FHIT: variants seen among roughly 807,000 people sequenced by gnomAD.
FHIT encodes the protein fragile histidine triad diadenosine triphosphatase.
FHIT carries 19 observed loss-of-function variants against 17.9 expected under a neutral mutation model. That is an observed-to-expected ratio of 1.06 (90% confidence interval 0.74 to 1.56). FHIT has a LOEUF of 1.56. Among genes scored for constraint, FHIT ranks in the 40% most tolerant of loss-of-function variants. FHIT has a pLI of 0.00. For synonymous variants in FHIT, 81 were observed against 69.7 expected (o/e 1.16, Z -0.81); for missense variants, 248 against 189.2 (o/e 1.31, Z -1.82).
chr3:60,130,499 T>C (rs1699493822), intron 5 of FHIT, among the ~76,000 whole-genome samples: 1 of 152,078 alleles, frequency 6.6e-6, no homozygotes, highest in Non-Finnish European at 1.5e-5. Flanking sequence ...GATGTAAGAC[T>C]GGAACTCAGA....
intron 3 of FHIT, among the ~76,000 whole-genome samples, chr3:61,035,360 TG>T (rs1446373387): frequency 6.6e-6 from 1 of 152,238 alleles, no homozygotes; most frequent in Admixed American, 6.5e-5. Flanking sequence ...ATCTTTTAAA[TG>T]TAAAATACAT....
chr3:61,141,773 C>T (rs1391905849), intron 2 of FHIT, among the ~76,000 whole-genome samples: 1 of 151,582 alleles, frequency 6.6e-6, no homozygotes, highest in East Asian at 1.9e-4. Context: ...GAGGCTCCAG[C>T]TTTCTCAGGA....
chr3:61,040,248 TATA>T (rs2033442492), intron 3 of FHIT, among the ~76,000 whole-genome samples: 1 of 152,236 alleles, frequency 6.6e-6, no homozygotes, highest in Non-Finnish European at 1.5e-5. Context: ...CAGCATCTAC[TATA>T]GCCTGTTACC....
chr3:59,803,268 T>C (rs539322242), intron 8 of FHIT, among the ~76,000 whole-genome samples: 73 of 152,210 alleles, frequency 4.8e-4, no homozygotes, highest in African/African-American at 1.4e-3. Flanking sequence ...AGGGACGAGG[T>C]AAATTTTTTT....
chr3:60,401,440 G>A (rs1701653375), intron 5 of FHIT, among the ~76,000 whole-genome samples: 1 of 152,146 alleles, frequency 6.6e-6, no homozygotes, highest in South Asian at 2.1e-4. Context: ...ACAGAATGGA[G>A]GCCAGGAGAG....
At chr3:60,314,812 C>T (rs551153375) in intron 5 of FHIT, among the ~76,000 whole-genome samples, 230 of 152,188 alleles carry the variant, frequency 1.5e-3, no homozygotes, top group Non-Finnish European at 2.5e-3. Flanking sequence ...AGGCTGGGTG[C>T]GGTGGCTCAT....
intron 5 of FHIT, among the ~76,000 whole-genome samples, chr3:60,531,455 T>G (rs1015375661): frequency 3.7e-4 from 56 of 151,902 alleles, no homozygotes; most frequent in Admixed American, 6.6e-4. Flanking sequence ...ATTTTTTGTA[T>G]TTTTAGTAGA....
chr3:60,281,626 A>G (rs1226844254), intron 5 of FHIT, among the ~76,000 whole-genome samples: 2 of 139,432 alleles, frequency 1.4e-5, no homozygotes, highest in South Asian at 2.3e-4. Context: ...GCCAAAAAAA[A>G]AAAAAGGGGG....
At chr3:60,803,735 C>G (rs1701283642) in intron 4 of FHIT, among the ~76,000 whole-genome samples, 1 of 152,098 alleles carries the variant, frequency 6.6e-6, no homozygotes, top group Non-Finnish European at 1.5e-5. Flanking sequence ...TTTTGCAGTG[C>G]CAGCTAGCTC....
chr3:60,764,052 A>C (rs1553720777), intron 4 of FHIT, among the ~76,000 whole-genome samples: 2 of 152,142 alleles, frequency 1.3e-5, no homozygotes, highest in African/African-American at 4.8e-5. Context: ...AGGTTAACTA[A>C]GTTGCTTAAG....
chr3:60,071,726 G>A (rs1194406233), intron 5 of FHIT, among the ~76,000 whole-genome samples: 1 of 152,174 alleles, frequency 6.6e-6, no homozygotes, highest in East Asian at 1.9e-4. Flanking sequence ...ATAATAAAAT[G>A]TCCCCACCCA....
intron 5 of FHIT, among the ~76,000 whole-genome samples, chr3:60,095,041 C>G (rs989781974): frequency 2.0e-5 from 3 of 152,110 alleles, no homozygotes; most frequent in African/African-American, 7.2e-5. Flanking sequence ...AGCTTTCATG[C>G]AAATGAACGC....
intron 5 of FHIT, among the ~76,000 whole-genome samples, chr3:60,418,355 T>G: frequency 7.2e-6 from 1 of 139,758 alleles, no homozygotes; most frequent in African/African-American, 2.7e-5. Flanking sequence ...TACAAACCTA[T>G]ATATATGTAT....
rs184809762 is a variant in FHIT, at chr3:60,587,313, A to G, written c.-17-50334T>C. 1.5e-4 allele frequency among the ~76,000 whole-genome samples: 23 copies of G among 151,664 alleles called. No individual in the cohort carries two copies. In the East Asian group the frequency reaches 4.1e-3, roughly 27 times the overall value. The stretch of plus-strand genomic sequence containing the variant: ...GGGAGCTGAACAATGAGAACACATG[A>G]ACACTGGGAGGGGAACATCACACAC... On this transcript the variant is annotated intron_variant, in intron 4 of 9. Coordinates refer to ENST00000492590, the MANE Select transcript of FHIT (RefSeq NM_002012.4).
At chr3:61,015,278 T>G (rs1451888375) in intron 3 of FHIT, among the ~76,000 whole-genome samples, 1 of 152,158 alleles carries the variant, frequency 6.6e-6, no homozygotes, top group African/African-American at 2.4e-5. Flanking sequence ...AAGGGGGATT[T>G]TTTTTTATCC....
intron 3 of FHIT, among the ~76,000 whole-genome samples, chr3:60,951,203 G>A (rs923170933): frequency 6.6e-6 from 1 of 152,104 alleles, no homozygotes; most frequent in African/African-American, 2.4e-5. Context: ...AGGGTCTTTT[G>A]TATTCTTCAA....
chr3:60,924,824 G>A (rs769284210), intron 3 of FHIT, among the ~76,000 whole-genome samples: 4 of 152,044 alleles, frequency 2.6e-5, no homozygotes, highest in Admixed American at 6.6e-5. Context: ...AAAATTAGAC[G>A]AATGGCTAAC....
intron 5 of FHIT, among the ~76,000 whole-genome samples, chr3:60,342,553 C>G (rs1354832438): frequency 1.3e-5 from 2 of 152,180 alleles, no homozygotes; most frequent in African/African-American, 4.8e-5. Context: ...GAATATTCTT[C>G]TCTTCTGATC....
intron 3 of FHIT, among the ~76,000 whole-genome samples, chr3:61,021,781 A>T (rs2032450728): frequency 6.6e-6 from 1 of 152,116 alleles, no homozygotes; most frequent in Non-Finnish European, 1.5e-5. Flanking sequence ...GAAATAAGTA[A>T]GTTTTTTGAA....
Sources: allele counts gnomAD v4.1 joint callset (sites outside exome capture counted in the v4.1 genomes callset), GRCh38; gene constraint gnomAD v4.1.1; transcripts MANE v1.5; gene names NCBI Gene and HGNC (gene_info 2026-07-23, HGNC 2026-07-21).